PNLIPRP3: variants seen among roughly 807,000 people sequenced by gnomAD.
PNLIPRP3 encodes pancreatic lipase related protein 3.
A neutral mutation model predicts 52.8 loss-of-function variants in PNLIPRP3; 58 were observed. That is an observed-to-expected ratio of 1.10 (90% confidence interval 0.89 to 1.37). The LOEUF (loss-of-function observed/expected upper bound fraction) is 1.37, where lower values mean the gene tolerates loss of function less well. Ranked by LOEUF, PNLIPRP3 falls within the 40% of genes most tolerant of loss-of-function variation. The pLI is 0.00. For missense variants in PNLIPRP3, 593 were observed against 561.6 expected (o/e 1.06, Z -0.57); for synonymous variants, 192 against 185.0 (o/e 1.04, Z -0.31).
chr10:116,438,621 A>G (rs1052609268), intron 2 of PNLIPRP3, among the ~76,000 whole-genome samples: 3 of 152,194 alleles, frequency 2.0e-5, no homozygotes, highest in Admixed American at 2.0e-4. Context: ...TAGTTAAACC[A>G]GATCTGTACC....
intron 5 of PNLIPRP3, among the ~76,000 whole-genome samples, chr10:116,459,875 C>T (rs1846166447): frequency 6.6e-6 from 1 of 152,180 alleles, no homozygotes; most frequent in African/African-American, 2.4e-5. Context: ...TCAAGTGATT[C>T]TCCTGCCTCA....
At chr10:116,476,416 T>C (rs1273855179) in intron 10 of PNLIPRP3, among the ~76,000 whole-genome samples, 1 of 152,208 alleles carries the variant, frequency 6.6e-6, no homozygotes, top group Non-Finnish European at 1.5e-5. Context: ...AATGCCTCTC[T>C]AGGTATTCTC....
Position 116,437,776 on chromosome 10 carries a change from C to A in PNLIPRP3, c.204+911C>A, listed in dbSNP as rs147335666. Among the ~76,000 whole-genome samples the A allele has an allele frequency of 6.0e-4, 91 of 152,212 alleles. 1 individual carries two copies. The East Asian group carries it at 0.017, about 28-fold the overall frequency. On this transcript the variant is annotated intron_variant, in intron 2 of 11. Coordinates refer to ENST00000369230, the MANE Select transcript of PNLIPRP3 (RefSeq NM_001011709.3). ...TAGCCACATGTGACTATTAAAATTA[C>A]AATTAAATAAAATTAAAAACTCAAT...
intron 1 of PNLIPRP3, among the ~76,000 whole-genome samples, chr10:116,435,074 C>T (rs757403982): frequency 4.6e-5 from 7 of 152,030 alleles, no homozygotes; most frequent in Non-Finnish European, 8.8e-5. Context: ...AGTGTCTGAA[C>T]AATGGAAGTG....
rs1267333752 is a variant in PNLIPRP3, at chr10:116,477,789, C to A, written c.*636C>A. 6.6e-6 allele frequency: 1 copy of A among 152,114 alleles called. No homozygotes were observed. Among genetic ancestry groups the A allele is most frequent in the Non-Finnish European group, 1.5e-5 (1 of 68,064 alleles). The allele number at this position is 152,114 out of a possible 1,614,324, so 9.4% of individuals were successfully genotyped here. On this transcript the variant is annotated 3_prime_UTR_variant, in exon 12 of 12. Transcript: ENST00000369230. Reference sequence around the variant, plus strand: ...GCAATGGGACCTGAAGTTCAACAACCCAGGGTATAGCCCCCTTCCTCCAAA... The same window carrying A: ...GCAATGGGACCTGAAGTTCAACAACACAGGGTATAGCCCCCTTCCTCCAAA...
intron 5 of PNLIPRP3, among the ~76,000 whole-genome samples, chr10:116,457,031 T>TA (rs1188559564): frequency 6.6e-6 from 1 of 152,258 alleles, no homozygotes; most frequent in Admixed American, 6.5e-5. Context: ...CACGTAAACT[T>TA]GTCATGTTTC....
Position 116,472,894 on chromosome 10 carries a change from C to T in PNLIPRP3, c.1172+1015C>T, listed in dbSNP as rs531004059. ...TGTTTCTTTGCTGCAGATACTTTTT[C>T]CTGTCTGCTATTTTGTTTCTACCTC... On this transcript the variant is annotated intron_variant, in intron 10 of 11. Transcript: ENST00000369230. 2.4e-4 allele frequency among the ~76,000 whole-genome samples: 36 copies of T among 152,324 alleles called. No homozygotes were observed. The South Asian group carries it at 7.5e-3, about 32-fold the overall frequency.
At chr10:116,475,516 A>G (rs939775214) in intron 10 of PNLIPRP3, among the ~76,000 whole-genome samples, 3 of 152,234 alleles carry the variant, frequency 2.0e-5, no homozygotes, top group African/African-American at 7.2e-5. Flanking sequence ...GAGTGAAGAT[A>G]GTTCTTGGAA....
In PNLIPRP3 at chr10:116,455,944, G is replaced by C. The variant is rs146870103; in HGVS notation, c.565+114G>C. 4.1e-4 allele frequency: 315 copies of C among 765,316 alleles called. 2 individuals carry two copies. In the East Asian group the frequency reaches 8.4e-3, roughly 20 times the overall value. 47.4% of individuals were successfully genotyped at this position (765,316 alleles called of 1,614,324 possible). A position where few individuals can be genotyped will look rare whatever the true frequency, so the allele number is the denominator to read the frequency against. ...AAGAAAATATAAGATACTACAAAATGTGATTCCAATGAAATAAAACGTGAA... is the reference window on the plus strand; with the variant it reads ...AAGAAAATATAAGATACTACAAAATCTGATTCCAATGAAATAAAACGTGAA... On this transcript the variant is annotated intron_variant, in intron 5 of 11. Transcript: ENST00000369230.
chr10:116,470,955 T>G (rs1476846370), intron 9 of PNLIPRP3, among the ~76,000 whole-genome samples: 1 of 151,968 alleles, frequency 6.6e-6, no homozygotes, highest in Non-Finnish European at 1.5e-5. Context: ...TTGGCTGGGG[T>G]GGTTTCAGTG....
rs1402181975 is a variant in PNLIPRP3 at position 116,461,026 on chromosome 10, C to T, written c.626C>T (p.Ser209Leu). The change falls in exon 6 of 12, where the codon TCG becomes TTG. Residue 209 changes from serine (S) to leucine (L), a missense_variant. Ser to Leu is a moderately radical substitution (Grantham distance 145). Transcript: ENST00000369230. ...CCAAAGGAAGTCAGGCTAGACCCCT[C>T]GGATGCCAACTTTGTTGACGTTATT... ...NTPKEVRLDP[S>L]DANFVDVIHT... 26 of 1,613,678 alleles carry T rather than the reference C, an allele frequency of 1.6e-5. No individual in the cohort carries two copies. The Middle Eastern group carries it at 6.6e-4, about 41-fold the overall frequency.
chr10:116,437,697 A>G (rs1845796177), intron 2 of PNLIPRP3, among the ~76,000 whole-genome samples: 1 of 152,138 alleles, frequency 6.6e-6, no homozygotes, highest in Admixed American at 6.5e-5. Context: ...GCTGGAAGAG[A>G]CTAGAGGTGA....
chr10:116,455,004 C>A (rs1846090610), intron 4 of PNLIPRP3, among the ~76,000 whole-genome samples: 1 of 152,220 alleles, frequency 6.6e-6, no homozygotes, highest in Admixed American at 6.5e-5. Flanking sequence ...GTTCCCTCCA[C>A]AGTGTTCAAG....
At chr10:116,433,971 C>T (rs71472891) in intron 1 of PNLIPRP3, among the ~76,000 whole-genome samples, 27 of 152,128 alleles carry the variant, frequency 1.8e-4, no homozygotes, top group Admixed American at 6.5e-4. Flanking sequence ...ATAGAGTGAC[C>T]GGCATAAGGG....
At chr10:116,465,991 G>A in intron 7 of PNLIPRP3, 59 bp from the exon 8 acceptor site, 1 of 1,238,406 alleles carries the variant, frequency 8.1e-7, no homozygotes, top group Admixed American at 1.7e-5. Flanking sequence ...TCTAAGATAT[G>A]GTTTATGCTA....
chr10:116,471,760 AT>A lies in PNLIPRP3; in HGVS notation c.1061-7del. 1 of 1,574,680 alleles carries A rather than the reference AT, an allele frequency of 6.4e-7. No homozygotes were observed. The highest frequency in any genetic ancestry group is 1.1e-5 in the South Asian group (1 of 89,976). On this transcript the variant is annotated splice_region_variant and splice_polypyrimidine_tract_variant and intron_variant, in intron 9 of 11. Transcript: ENST00000369230. Reference sequence around the variant, plus strand: ...CTCTCCCTTTCCTTCTTGTTTCCTTATATCTAGGTTGGAGGCACAAATTGTC... The same window carrying A: ...CTCTCCCTTTCCTTCTTGTTTCCTTAATCTAGGTTGGAGGCACAAATTGTC...
chr10:116,433,518 G>A (rs1845736856), intron 1 of PNLIPRP3, among the ~76,000 whole-genome samples: 1 of 152,178 alleles, frequency 6.6e-6, no homozygotes, highest in Non-Finnish European at 1.5e-5. Context: ...TGTAGGACAT[G>A]TAAGGTTGTC....
chr10:116,439,328 C>T, intron 2 of PNLIPRP3: 1 of 407,464 alleles, frequency 2.5e-6, no homozygotes, highest in East Asian at 4.9e-5. Flanking sequence ...TGAGAGACTA[C>T]AATATGATCA....
At chr10:116,471,964 C>A in intron 10 of PNLIPRP3, 85 bp downstream of exon 10, 1 of 754,196 alleles carries the variant, frequency 1.3e-6, no homozygotes, top group Non-Finnish European at 2.1e-6. Context: ...GCTGTTTAGT[C>A]TTCTCTTTTC....
Sources: gnomAD v4.1 joint callset for allele counts (sites outside exome capture counted in the v4.1 genomes callset) on GRCh38, gnomAD v4.1.1 for gene constraint, MANE v1.5 for transcripts, NCBI Gene and HGNC (gene_info 2026-07-23, HGNC 2026-07-21) for gene names.